The following LRP1B variants were observed in gnomAD, a reference collection of about 807,000 sequenced individuals.
The protein encoded by LRP1B is low-density lipoprotein receptor-related protein 1B.
A neutral mutation model predicts 556.6 loss-of-function variants in LRP1B; 217 were observed. The ratio of observed to expected loss-of-function variants is 0.39; its 90% CI spans 0.35 to 0.44. The LOEUF (loss-of-function observed/expected upper bound fraction) is 0.44, where lower values mean the gene tolerates loss of function less well. Among genes scored for constraint, LRP1B ranks in the 20% least tolerant of loss-of-function variants. The probability of loss-of-function intolerance (pLI) is 1.00; values close to 1 mark genes in which losing one functional copy is unlikely to be tolerated. For missense variants in LRP1B, 5,053 were observed against 5,620.8 expected (o/e 0.90, Z 3.23); for synonymous variants, 2,047 against 1,865.8 (o/e 1.10, Z -2.50).
At chr2:141,650,811 G>A (rs1046124249) in intron 2 of LRP1B, among the ~76,000 whole-genome samples, 1 of 151,994 alleles carries the variant, frequency 6.6e-6, no homozygotes, top group South Asian at 2.1e-4. Context: ...TTTTAGATTT[G>A]TGCTGTTTTC....
intron 1 of LRP1B, among the ~76,000 whole-genome samples, chr2:142,109,785 C>T (rs1029880167): frequency 3.9e-5 from 6 of 151,938 alleles, no homozygotes; most frequent in Non-Finnish European, 8.8e-5. Flanking sequence ...TTTCAAAAGA[C>T]AAAAGTAATA....
At chr2:140,312,527 T>TACA (rs1684346272) in intron 83 of LRP1B, among the ~76,000 whole-genome samples, 1 of 151,976 alleles carries the variant, frequency 6.6e-6, no homozygotes, top group Non-Finnish European at 1.5e-5. Context: ...AGCAAAAATG[T>TACA]CTTAATGATA....
chr2:140,716,561 C>G lies in LRP1B; in HGVS notation c.5893+121G>C, dbSNP rs184285502. ...GCCAAAAGCAAAAGAGACTATTTAC[C>G]CCTGTGGCTAGAAGTACAAATAAAA... On this transcript the variant is annotated intron_variant, in intron 36 of 90. Coordinates refer to ENST00000389484, the MANE Select transcript of LRP1B (RefSeq NM_018557.3). 4.0e-5 allele frequency: 38 copies of G among 950,824 alleles called. No homozygotes were observed. The East Asian group carries it at 9.9e-4, about 25-fold the overall frequency. 58.9% of individuals were successfully genotyped at this position (950,824 alleles called of 1,614,324 possible). A position where few individuals can be genotyped will look rare whatever the true frequency, so the allele number is the denominator to read the frequency against.
intron 1 of LRP1B, among the ~76,000 whole-genome samples, chr2:141,818,894 C>T (rs185120725): frequency 2.0e-5 from 3 of 151,736 alleles, no homozygotes; most frequent in East Asian, 2.0e-4. Context: ...TCCTATCTAA[C>T]ACATTTCTAA....
chr2:140,594,770 C>A (rs555729612), intron 43 of LRP1B, among the ~76,000 whole-genome samples: 3 of 152,018 alleles, frequency 2.0e-5, no homozygotes, highest in African/African-American at 7.2e-5. Context: ...TGCAATTATG[C>A]AAAATAAATG....
intron 71 of LRP1B, among the ~76,000 whole-genome samples, chr2:140,369,284 G>A (rs146011544): frequency 6.6e-6 from 1 of 152,004 alleles, no homozygotes; most frequent in Non-Finnish European, 1.5e-5. Context: ...AGGATGTATT[G>A]GAGACCAGTT....
intron 2 of LRP1B, among the ~76,000 whole-genome samples, chr2:141,716,959 C>T (rs530921898): frequency 3.3e-3 from 82 of 24,782 alleles, no homozygotes; most frequent in African/African-American, 8.6e-3. Context: ...TCTCCCCCAG[C>T]ATGATCCACA....
intron 31 of LRP1B, 111 bp downstream of exon 31, chr2:140,839,880 C>A: frequency 2.8e-6 from 2 of 722,088 alleles, no homozygotes; most frequent in East Asian, 5.6e-5. Context: ...CCTGAATTTA[C>A]TTATTTTACT....
At chr2:141,312,932 C>T (rs1686868820) in intron 3 of LRP1B, among the ~76,000 whole-genome samples, 6 of 152,032 alleles carry the variant, frequency 3.9e-5, no homozygotes, top group Admixed American at 3.3e-4. Flanking sequence ...CCACCCACCT[C>T]GACCTCCCAA....
At chr2:141,110,638 ATT>A (rs10655870) in intron 7 of LRP1B, among the ~76,000 whole-genome samples, 1 of 149,714 alleles carries the variant, frequency 6.7e-6, no homozygotes, top group African/African-American at 2.5e-5. Context: ...TGTAATCATG[ATT>A]TTTTTTTTTA....
At chr2:141,702,860 T>C (rs1393994094) in intron 2 of LRP1B, among the ~76,000 whole-genome samples, 1 of 151,926 alleles carries the variant, frequency 6.6e-6, no homozygotes, top group African/African-American at 2.4e-5. Context: ...TAATTTTAGC[T>C]GATTCAAATT....
chr2:140,879,382 C>T (rs775992323), intron 25 of LRP1B, among the ~76,000 whole-genome samples: 9 of 152,102 alleles, frequency 5.9e-5, no homozygotes, highest in Non-Finnish European at 1.2e-4. Flanking sequence ...ATAAGTGATC[C>T]CTTCATTTCT....
chr2:141,626,882 G>A (rs1688720171), intron 2 of LRP1B, among the ~76,000 whole-genome samples: 2 of 152,200 alleles, frequency 1.3e-5, no homozygotes, highest in Admixed American at 6.5e-5. Flanking sequence ...TTGGAAGACA[G>A]TTTGCCAGAT....
chr2:141,415,215 G>A (rs1275863521), intron 3 of LRP1B, among the ~76,000 whole-genome samples: 8 of 152,114 alleles, frequency 5.3e-5, no homozygotes, highest in African/African-American at 9.6e-5. Flanking sequence ...GGGTTTCACC[G>A]TATTAGACAG....
chr2:141,267,439 G>A (rs1684932595), intron 3 of LRP1B, among the ~76,000 whole-genome samples: 1 of 152,172 alleles, frequency 6.6e-6, no homozygotes, highest in South Asian at 2.1e-4. Flanking sequence ...ATATGAGCCA[G>A]TACAGAGAAA....
chr2:141,858,564 A>G (rs1458700489), intron 1 of LRP1B, among the ~76,000 whole-genome samples: 1 of 152,202 alleles, frequency 6.6e-6, no homozygotes, highest in Non-Finnish European at 1.5e-5. Context: ...GAAAAATTAT[A>G]CATCTCTTTT....
chr2:140,717,414 C>G (rs1687251020), intron 35 of LRP1B, among the ~76,000 whole-genome samples: 1 of 151,986 alleles, frequency 6.6e-6, no homozygotes, highest in Non-Finnish European at 1.5e-5. Context: ...CTACAAGACC[C>G]TTACATTATT....
chr2:141,568,681 CGT>C, intron 2 of LRP1B, among the ~76,000 whole-genome samples: 1 of 148,628 alleles, frequency 6.7e-6, no homozygotes, highest in East Asian at 1.9e-4. Context: ...TTAAGCAAAA[CGT>C]AATATAAAGT....
intron 1 of LRP1B, among the ~76,000 whole-genome samples, chr2:142,003,358 A>G (rs1049334867): frequency 1.3e-5 from 2 of 152,236 alleles, no homozygotes; most frequent in African/African-American, 2.4e-5. Flanking sequence ...AGAAAAATGC[A>G]CTTCCTACAA....
Sources: gnomAD v4.1 joint callset for allele counts (sites outside exome capture counted in the v4.1 genomes callset) on GRCh38, gnomAD v4.1.1 for gene constraint, MANE v1.5 for transcripts, NCBI Gene and HGNC (gene_info 2026-07-23, HGNC 2026-07-21) for gene names.